The following RAP1GAP2 variants were observed in gnomAD, a reference collection of about 807,000 sequenced individuals.
RAP1GAP2 encodes the protein RAP1 GTPase activating protein 2.
Under a neutral mutation model 95.0 loss-of-function variants are expected in RAP1GAP2, and 27 were observed. That is an observed-to-expected ratio of 0.28 (90% CI 0.21 to 0.39). The LOEUF (loss-of-function observed/expected upper bound fraction) is 0.39, where lower values mean the gene tolerates loss of function less well. Ranked by LOEUF, RAP1GAP2 falls within the 10% of genes least tolerant of loss-of-function variation. The pLI is 1.00. For synonymous variants in RAP1GAP2, 373 were observed against 380.9 expected, an observed-to-expected ratio of 0.98 and a Z score of 0.24; for missense variants, 771 against 970.0, an observed-to-expected ratio of 0.79 and a Z score of 2.72.
At chr17:2,851,056 C>T (rs1275103027) in intron 2 of RAP1GAP2, among the ~76,000 whole-genome samples, 2 of 145,848 alleles carry the variant, frequency 1.4e-5, no homozygotes, top group Non-Finnish European at 3.0e-5. Context: ...AAAACAACGT[C>T]TCAAGAAAAA....
intron 3 of RAP1GAP2, among the ~76,000 whole-genome samples, chr17:2,922,597 G>T (rs1443813011): frequency 6.6e-6 from 1 of 152,150 alleles, no homozygotes; most frequent in East Asian, 1.9e-4. Context: ...GTGTTGCGGG[G>T]CTGGGAGGAC....
chr17:3,006,654 TG>T (rs746566541), intron 16 of RAP1GAP2, among the ~76,000 whole-genome samples: 11 of 151,208 alleles, frequency 7.3e-5, no homozygotes, highest in Non-Finnish European at 1.6e-4. Flanking sequence ...AGGATGGTCT[TG>T]ATCTCCTGAC....
intron 2 of RAP1GAP2, among the ~76,000 whole-genome samples, chr17:2,815,166 C>T (rs1470355975): frequency 1.3e-5 from 2 of 152,130 alleles, no homozygotes; most frequent in Non-Finnish European, 2.9e-5. Context: ...GTGTTACCAG[C>T]GCTGAGGTGC....
intron 14 of RAP1GAP2, among the ~76,000 whole-genome samples, chr17:2,998,836 G>A (rs1168147062): frequency 3.3e-5 from 5 of 152,164 alleles, no homozygotes; most frequent in African/African-American, 1.2e-4. Flanking sequence ...TTGGAATTTG[G>A]TGATGCCATT....
intron 1 of RAP1GAP2, among the ~76,000 whole-genome samples, chr17:2,785,534 C>T (rs1305612976): frequency 6.6e-6 from 1 of 152,154 alleles, no homozygotes; most frequent in African/African-American, 2.4e-5. Context: ...ATTCCAGACA[C>T]TGTATGAAAA....
Position 2,963,978 on chromosome 17 carries a change from G to A in RAP1GAP2, c.402G>A (p.Glu134=), listed in dbSNP as rs756885256. Residue 134 remains glutamate (E), a synonymous_variant, in exon 7 of 25, where the codon GAG becomes GAA. Transcript: ENST00000254695. This position sits in a 1 kb window ranked among gnomAD's most constrained non-coding sequence, Gnocchi z 4.8. ...TSLGSSICEE[E]EEDNLSPNTF... is the part of the protein sequence containing the mutation. ...TGGGGAGCAGCATCTGTGAGGAGGA[G>A]GAAGAGGACAACCTCAGCCCCAACA... The A allele has an allele frequency of 7.4e-6, 12 of 1,613,132 alleles. No homozygotes were observed. The highest frequency in any genetic ancestry group is 1.1e-5 in the South Asian group (1 of 91,062).
intron 8 of RAP1GAP2, among the ~76,000 whole-genome samples, chr17:2,970,296 AT>A (rs56149621): frequency 0.081 from 11,266 of 139,142 alleles, 605 homozygotes; most frequent in Non-Finnish European, 0.13. Flanking sequence ...AAAAAAAAAA[AT>A]AATAATAATA....
chr17:2,955,983 T>G (rs1324166167), intron 3 of RAP1GAP2, among the ~76,000 whole-genome samples: 19 of 152,230 alleles, frequency 1.2e-4, no homozygotes, highest in Non-Finnish European at 1.5e-5. Flanking sequence ...GAGGATGGAT[T>G]GTTAGACGTG....
At position 2,853,763 on chromosome 17, in the gene RAP1GAP2, G is replaced by A. The variant is rs1490273078; in HGVS notation, c.81-51521G>A. The stretch of plus-strand genomic sequence containing the variant: ...AGCGAGCCTCGGAAATGCCCGCGCC[G>A]GGGGAGCGGACGGCGGCTGCCCCGC... On this transcript the variant is annotated intron_variant, in intron 2 of 24. Transcript: ENST00000254695. Among the ~76,000 whole-genome samples the A allele has an allele frequency of 2.0e-5, 3 of 147,188 alleles. No individual in the cohort carries two copies. The East Asian group carries it at 5.9e-4, about 29-fold the overall frequency.
At chr17:2,911,260 A>ATTTTTTTTTTT (rs34227127) in intron 3 of RAP1GAP2, among the ~76,000 whole-genome samples, 18 of 132,024 alleles carry the variant, frequency 1.4e-4, no homozygotes, top group Non-Finnish European at 2.3e-4. Context: ...TTTGAAGGGG[A>ATTTTTTTTTTT]TTTTTTTTTT....
Position 3,004,589 on chromosome 17 carries a change from A to G in RAP1GAP2, c.1201-780A>G, listed in dbSNP as rs1427553009. 6.6e-6 allele frequency among the ~76,000 whole-genome samples: 1 copy of G among 151,974 alleles called. No homozygotes were observed. The highest frequency in any genetic ancestry group is 1.5e-5 in the Non-Finnish European group (1 of 68,002). On this transcript the variant is annotated intron_variant, in intron 14 of 24. Transcript: ENST00000254695. This position sits in a 1 kb window ranked among gnomAD's most constrained non-coding sequence, Gnocchi z 4.1. Reference sequence around the variant, plus strand: ...GTGGGGCCCGTCCCACGCCTGGGCGACCCCCATGCAGCGAACCTCGAGGCC... The same window carrying G: ...GTGGGGCCCGTCCCACGCCTGGGCGGCCCCCATGCAGCGAACCTCGAGGCC...
Position 3,008,533 on chromosome 17 carries a change from C to G in RAP1GAP2, c.1494+388C>G, listed in dbSNP as rs559576431. 3.3e-5 allele frequency among the ~76,000 whole-genome samples: 5 copies of G among 152,198 alleles called. No homozygotes were observed. Among genetic ancestry groups the G allele is most frequent in the Non-Finnish European group, 7.4e-5 (5 of 68,026 alleles). ...AATGGCAGGAGCGAGGACCACAGCC[C>G]TTACGGGTCTTCGTAGCTGCTGTGG... On this transcript the variant is annotated intron_variant, in intron 17 of 24. Coordinates refer to ENST00000254695, the MANE Select transcript of RAP1GAP2 (RefSeq NM_015085.5). This position sits in a 1 kb window ranked among gnomAD's most constrained non-coding sequence, Gnocchi z 4.2.
chr17:2,776,823 CGGAGGAGGAGGAGGAGGAGGAGGA>C (rs372983882), upstream of RAP1GAP2, among the ~76,000 whole-genome samples: 1 of 144,042 alleles, frequency 6.9e-6, no homozygotes, highest in African/African-American at 2.6e-5. Flanking sequence ...CCCGCCGCCC[CGGAGGAGGAGGAGGAGGAGGAGGA>C]GGAGGAGGAG....
At chr17:2,969,421 C>T (rs60380775) in intron 8 of RAP1GAP2, among the ~76,000 whole-genome samples, 3,709 of 140,616 alleles carry the variant, frequency 0.026, 164 homozygotes, top group African/African-American at 0.09. Flanking sequence ...GGCTCCAACC[C>T]AACCATTTGA....
Position 2,904,124 on chromosome 17 carries a change from G to A in RAP1GAP2, c.81-1160G>A, listed in dbSNP as rs910417977. On this transcript the variant is annotated intron_variant, in intron 2 of 24. Coordinates refer to ENST00000254695, the MANE Select transcript of RAP1GAP2 (RefSeq NM_015085.5). The surrounding 1 kb of genome is among the most constrained non-coding windows in gnomAD (Gnocchi z 4.7). ...ACTTGTAAAGTTGGGGGCTTTGACG[G>A]CTCAGCCCGGCCCTCTTCGGCTTTT... Among the ~76,000 whole-genome samples, 3 of 152,112 alleles carry A rather than the reference G, an allele frequency of 2.0e-5. No individual in the cohort carries two copies. Among genetic ancestry groups the A allele is most frequent in the Non-Finnish European group, 4.4e-5 (3 of 68,000 alleles).
At chr17:2,868,468 T>C (rs1185368130) in intron 2 of RAP1GAP2, among the ~76,000 whole-genome samples, 2 of 152,150 alleles carry the variant, frequency 1.3e-5, no homozygotes, top group Admixed American at 6.5e-5. Flanking sequence ...GAAAGTCTTT[T>C]ATGTGTGTAG....
At chr17:2,958,463 C>G (rs564806369) in intron 4 of RAP1GAP2, among the ~76,000 whole-genome samples, 1 of 151,878 alleles carries the variant, frequency 6.6e-6, no homozygotes, top group African/African-American at 2.4e-5. Context: ...TTGACGTGGG[C>G]GGGAAGACTG....
At chr17:2,981,671 T>C (rs570009653) in intron 10 of RAP1GAP2, among the ~76,000 whole-genome samples, 8 of 152,214 alleles carry the variant, frequency 5.3e-5, no homozygotes, top group Non-Finnish European at 7.4e-5. Flanking sequence ...CGCCCCGCCA[T>C]TGCCTGTGTT....
intron 2 of RAP1GAP2, among the ~76,000 whole-genome samples, chr17:2,889,134 T>G (rs2073602986): frequency 6.6e-6 from 1 of 152,124 alleles, no homozygotes; most frequent in Admixed American, 6.6e-5. Context: ...TTGTTCTGTT[T>G]CTAGTGTTTT....
Sources: allele counts gnomAD v4.1 joint callset (sites outside exome capture counted in the v4.1 genomes callset), GRCh38; gene constraint gnomAD v4.1.1; non-coding constraint Gnocchi (gnomAD v3.1); transcripts MANE v1.5; gene names NCBI Gene and HGNC (gene_info 2026-07-23, HGNC 2026-07-21).